The following TACC2 variants were observed in gnomAD, a reference collection of about 807,000 sequenced individuals.
TACC2 encodes transforming acidic coiled-coil-containing protein 2.
In TACC2, 137 loss-of-function variants were observed where a neutral mutation model predicts 227.3. That is an observed-to-expected ratio of 0.60 (90% CI 0.52 to 0.69). The LOEUF (loss-of-function observed/expected upper bound fraction) is 0.69, where lower values mean the gene tolerates loss of function less well. Among genes scored for constraint, TACC2 ranks in the 30% least tolerant of loss-of-function variants. The probability of loss-of-function intolerance (pLI) is 0.00; values close to 1 mark genes in which losing one functional copy is unlikely to be tolerated. For missense variants in TACC2, 3,470 were observed against 3,694.4 expected, an observed-to-expected ratio of 0.94 and a Z score of 1.57; for synonymous variants, 1,523 against 1,487.5, an observed-to-expected ratio of 1.02 and a Z score of -0.55.
chr10:122,174,410 T>C (rs1390819055), intron 7 of TACC2, among the ~76,000 whole-genome samples: 1 of 152,152 alleles, frequency 6.6e-6, no homozygotes. Flanking sequence ...GCCCACTCAC[T>C]CCATGGGCTT....
chr10:122,186,041 G>A (rs923119614), intron 7 of TACC2, among the ~76,000 whole-genome samples: 31 of 151,976 alleles, frequency 2.0e-4, no homozygotes, highest in African/African-American at 6.5e-4. Flanking sequence ...CTATTCTCCC[G>A]CCTCAGCCTC....
chr10:122,238,626 T>G (rs1390829881), intron 18 of TACC2, among the ~76,000 whole-genome samples: 1 of 152,062 alleles, frequency 6.6e-6, no homozygotes, highest in Non-Finnish European at 1.5e-5. Flanking sequence ...ATTTTTTGTA[T>G]TTTTAGTAGA....
intron 2 of TACC2, among the ~76,000 whole-genome samples, chr10:122,032,815 C>T (rs1212928738): frequency 2.6e-5 from 4 of 152,000 alleles, no homozygotes; most frequent in East Asian, 3.9e-4. Flanking sequence ...AAAAATTAGC[C>T]GGGCGTGGTG....
intron 7 of TACC2, among the ~76,000 whole-genome samples, chr10:122,191,843 C>A (rs537347981): frequency 6.6e-6 from 1 of 152,070 alleles, no homozygotes; most frequent in Non-Finnish European, 1.5e-5. Context: ...ATGTGTGGAG[C>A]CTTAACAGAA....
At chr10:122,037,779 A>G (rs1189096050) in intron 2 of TACC2, among the ~76,000 whole-genome samples, 2 of 152,178 alleles carry the variant, frequency 1.3e-5, no homozygotes, top group Admixed American at 1.3e-4. Flanking sequence ...TTTCTCTTGT[A>G]CACAATGATC....
chr10:122,059,237 C>T (rs1192683070), intron 3 of TACC2, among the ~76,000 whole-genome samples: 2 of 151,906 alleles, frequency 1.3e-5, no homozygotes, highest in Non-Finnish European at 2.9e-5. Context: ...TTTTAATAAG[C>T]ACCCCAGGTG....
chr10:122,154,411 A>C (rs2092325111), intron 7 of TACC2, among the ~76,000 whole-genome samples: 1 of 152,258 alleles, frequency 6.6e-6, no homozygotes, highest in Non-Finnish European at 1.5e-5. Context: ...CTGGAGTAAT[A>C]GTTTAAAGAT....
intron 5 of TACC2, among the ~76,000 whole-genome samples, chr10:122,132,052 GAAA>G (rs2088294467): frequency 1.4e-5 from 1 of 69,176 alleles, no homozygotes; most frequent in African/African-American, 8.1e-5. Flanking sequence ...AAGAAAGAAA[GAAA>G]GAAAGAAAGA....
chr10:122,235,085 T>A (rs1360908332), intron 16 of TACC2, among the ~76,000 whole-genome samples: 1 of 152,226 alleles, frequency 6.6e-6, no homozygotes, highest in Non-Finnish European at 1.5e-5. Context: ...TAAAATCCTT[T>A]GCCTTTTTAA....
At chr10:122,162,228 A>G (rs1313373338) in intron 7 of TACC2, among the ~76,000 whole-genome samples, 1 of 152,240 alleles carries the variant, frequency 6.6e-6, no homozygotes, top group Non-Finnish European at 1.5e-5. Context: ...GAATAAGAGC[A>G]GTGGAAAGTC....
chr10:122,096,163 C>T (rs539235203), intron 5 of TACC2, among the ~76,000 whole-genome samples: 7 of 152,160 alleles, frequency 4.6e-5, no homozygotes, highest in African/African-American at 7.2e-5. Context: ...GAGGTGTGTT[C>T]GTGGCACATC....
Position 122,203,620 on chromosome 10 carries a change from C to T in TACC2, c.5972-6777C>T, listed in dbSNP as rs540000067. Among the ~76,000 whole-genome samples the T allele has an allele frequency of 2.9e-3, 433 of 151,880 alleles. 3 individuals carry two copies. Among genetic ancestry groups the T allele is most frequent in the East Asian group, 3.3e-3 (17 of 5,106 alleles). On this transcript the variant is annotated intron_variant, in intron 8 of 22. Transcript: ENST00000369005. ...AGATGGGCGGCCGGGCAGAGACGCT[C>T]CTCACTTCCCAGATGGGATGGCGGC...
At chr10:122,128,695 A>G (rs1032275804) in intron 5 of TACC2, among the ~76,000 whole-genome samples, 3 of 152,242 alleles carry the variant, frequency 2.0e-5, no homozygotes, top group African/African-American at 7.2e-5. Context: ...AACTTCTTAC[A>G]TATGGTTTCT....
intron 5 of TACC2, among the ~76,000 whole-genome samples, chr10:122,095,722 G>A (rs2081306157): frequency 6.6e-6 from 1 of 152,200 alleles, no homozygotes; most frequent in East Asian, 1.9e-4. Flanking sequence ...CTGGGGAGGC[G>A]CCCTGTTCCC....
chr10:122,011,202 C>T (rs1356489291), intron 1 of TACC2, among the ~76,000 whole-genome samples: 3 of 110,584 alleles, frequency 2.7e-5, no homozygotes, highest in African/African-American at 8.1e-5. Context: ...GTCAGGTAGA[C>T]AGTGACACAG....
At chr10:122,109,572 G>A (rs973401024) in intron 5 of TACC2, among the ~76,000 whole-genome samples, 1 of 152,174 alleles carries the variant, frequency 6.6e-6, no homozygotes, top group African/African-American at 2.4e-5. Context: ...TTGAGCAGAG[G>A]CTGGGGGCCC....
chr10:122,025,664 C>T (rs928852502), intron 2 of TACC2, among the ~76,000 whole-genome samples: 15 of 151,410 alleles, frequency 9.9e-5, no homozygotes, highest in Non-Finnish European at 4.4e-5. Flanking sequence ...ACCTCCGCCT[C>T]CCAGGTTCAT....
intron 18 of TACC2, among the ~76,000 whole-genome samples, chr10:122,239,406 C>G (rs1057056646): frequency 6.6e-6 from 1 of 152,244 alleles, no homozygotes; most frequent in Non-Finnish European, 1.5e-5. Context: ...TCTAGGTCAT[C>G]GTAGGATCTT....
intron 1 of TACC2, among the ~76,000 whole-genome samples, chr10:122,005,931 G>A (rs1425200454): frequency 6.6e-6 from 1 of 151,992 alleles, no homozygotes; most frequent in Non-Finnish European, 1.5e-5. Flanking sequence ...TGGACCTCAG[G>A]TGATCTGCCC....
Sources: gnomAD v4.1 joint callset for allele counts (sites outside exome capture counted in the v4.1 genomes callset) on GRCh38, gnomAD v4.1.1 for gene constraint, MANE v1.5 for transcripts, NCBI Gene and HGNC (gene_info 2026-07-23, HGNC 2026-07-21) for gene names.